RNF157: variants seen among roughly 807,000 people sequenced by gnomAD.
The protein encoded by RNF157 is E3 ubiquitin ligase RNF157.
A neutral mutation model predicts 88.3 loss-of-function variants in RNF157; 55 were observed. The observed-to-expected ratio is 0.62, with a 90% confidence interval of 0.50 to 0.78. RNF157 has a LOEUF of 0.78. Among genes scored for constraint, RNF157 ranks in the 30% least tolerant of loss-of-function variants. The pLI is 0.00. For synonymous variants in RNF157, 334 were observed against 341.2 expected, an observed-to-expected ratio of 0.98 and a Z score of 0.23; for missense variants, 788 against 860.8, an observed-to-expected ratio of 0.92 and a Z score of 1.06.
rs1392935098 is a variant in RNF157, at chr17:76,161,795, CTT to C, written c.952+46_952+47del. On this transcript the variant is annotated intron_variant, in intron 10 of 18. Coordinates refer to ENST00000269391, the MANE Select transcript of RNF157 (RefSeq NM_052916.3). The surrounding 1 kb of genome is among the most constrained non-coding windows in gnomAD (Gnocchi z 4.6). ...TGCTTCAGTGTTTTGTAAATGTCCT[CTT>C]GTCCCCTCTCCCACCCACCAGTCCC... 6.3e-7 allele frequency: 1 copy of C among 1,598,690 alleles called. No homozygotes were observed. The highest frequency in any genetic ancestry group is 1.1e-5 in the South Asian group (1 of 89,842).
chr17:76,182,845 G>GGATATATATATCCTATATATCCTATATAT (rs1161394582), intron 2 of RNF157, among the ~76,000 whole-genome samples: 10 of 77,994 alleles, frequency 1.3e-4, no homozygotes, highest in East Asian at 6.5e-4. Context: ...ATGATATATA[G>GGATATATATATCCTATATATCCTATATAT]GATATATAGG....
chr17:76,167,169 C>CTGACAACAGATGGGTATCCCATCTGACA, intron 4 of RNF157, 43 bp from the exon 5 acceptor site: 1 of 1,423,770 alleles, frequency 7.0e-7, no homozygotes, highest in Non-Finnish European at 9.9e-7. Context: ...CAGTATCCGG[C>CTGACAACAGATGGGTATCCCATCTGACA]ACAGATGGGT....
At chr17:76,182,854 G>A in intron 2 of RNF157, among the ~76,000 whole-genome samples, 1 of 108,204 alleles carries the variant, frequency 9.2e-6, no homozygotes, top group South Asian at 3.0e-4. Flanking sequence ...AGGATATATA[G>A]GATATATATA....
intron 2 of RNF157, among the ~76,000 whole-genome samples, chr17:76,207,137 C>CT (rs1568063175): frequency 6.6e-6 from 1 of 152,008 alleles, no homozygotes; most frequent in African/African-American, 2.4e-5. Context: ...GGCTTTGGGC[C>CT]GGGCTTGGTG....
At chr17:76,183,754 C>A (rs889831458) in intron 2 of RNF157, among the ~76,000 whole-genome samples, 1 of 151,794 alleles carries the variant, frequency 6.6e-6, no homozygotes, top group Non-Finnish European at 1.5e-5. Context: ...TCAATTATTT[C>A]TTCATTTGTT....
chr17:76,210,337 T>C (rs1004218012), intron 2 of RNF157, among the ~76,000 whole-genome samples: 1 of 151,824 alleles, frequency 6.6e-6, no homozygotes, highest in African/African-American at 2.4e-5. Context: ...CTCATGCCTG[T>C]AATCCCAGCA....
At chr17:76,198,581 G>A (rs1237830218) in intron 2 of RNF157, among the ~76,000 whole-genome samples, 9 of 152,168 alleles carry the variant, frequency 5.9e-5, no homozygotes, top group East Asian at 5.8e-4. Flanking sequence ...AGGTTCTGCC[G>A]TATACGTCAG....
chr17:76,193,561 C>A (rs568957022), intron 2 of RNF157, among the ~76,000 whole-genome samples: 51 of 151,662 alleles, frequency 3.4e-4, no homozygotes, highest in African/African-American at 1.2e-3. Flanking sequence ...CCCACGGACA[C>A]ATACAAGTTT....
intron 2 of RNF157, among the ~76,000 whole-genome samples, chr17:76,185,475 C>CTTTTTTTTTTTTTT (rs71161271): frequency 0.064 from 8,934 of 139,264 alleles, 530 homozygotes; most frequent in African/African-American, 0.12. Flanking sequence ...TTAGTCCTTT[C>CTTTTTTTTTTTTTT]TTTTTTTTTT....
At chr17:76,145,917 T>C (rs2068578589) in intron 18 of RNF157, among the ~76,000 whole-genome samples, 1 of 152,016 alleles carries the variant, frequency 6.6e-6, no homozygotes. Flanking sequence ...GCCGTTTTCC[T>C]CTCCTCCTGC....
Position 76,173,750 on chromosome 17 carries a change from G to A in RNF157, c.248C>T (p.Thr83Ile), listed in dbSNP as rs2069057221. 6.2e-7 allele frequency: 1 copy of A among 1,611,290 alleles called. No homozygotes were observed. The highest frequency in any genetic ancestry group is 1.1e-5 in the South Asian group (1 of 90,534). ...AAPPPQEPVK[T>I]LRSLVNIRKD... ...TCGGATATTGACCAGGCTTCTCAGA[G>A]TCTTCACGGGTTCTTGGGGAGGTGG... The change falls in exon 3 of 19, where the codon ACT (threonine) becomes ATT (isoleucine). Residue 83 changes from threonine (T) to isoleucine (I), a missense_variant. By Grantham distance (89) the Thr-to-Ile change is moderately conservative. Coordinates refer to ENST00000269391, the MANE Select transcript of RNF157 (RefSeq NM_052916.3).
At chr17:76,168,625 C>A (rs1375070246) in intron 3 of RNF157, among the ~76,000 whole-genome samples, 1 of 151,998 alleles carries the variant, frequency 6.6e-6, no homozygotes, top group East Asian at 1.9e-4. Context: ...CAGTCGCCAC[C>A]CTGGAATCTC....
chr17:76,224,832 G>A (rs1457003000), intron 1 of RNF157, among the ~76,000 whole-genome samples: 1 of 152,120 alleles, frequency 6.6e-6, no homozygotes, highest in African/African-American at 2.4e-5. Context: ...CCCAGCCCAT[G>A]GGGCGTGGGT....
In RNF157 at chr17:76,160,041, A is replaced by G. The variant is rs2068824793; in HGVS notation, c.1066-468T>C. On this transcript the variant is annotated intron_variant, in intron 11 of 18. Coordinates refer to ENST00000269391, the MANE Select transcript of RNF157 (RefSeq NM_052916.3). This position sits in a 1 kb window ranked among gnomAD's most constrained non-coding sequence, Gnocchi z 4.3. Reference sequence around the variant, plus strand: ...CACTATGTTGCCCAGGCTGGTCTTGAGCTCCTGGTCTCAATTGATCCTCCC... The same window carrying G: ...CACTATGTTGCCCAGGCTGGTCTTGGGCTCCTGGTCTCAATTGATCCTCCC... 6.6e-6 allele frequency among the ~76,000 whole-genome samples: 1 copy of G among 152,124 alleles called. No individual in the cohort carries two copies. The highest frequency in any genetic ancestry group is 2.1e-4 in the South Asian group (1 of 4,820).
At chr17:76,234,625 G>A (rs2070250625) in intron 1 of RNF157, among the ~76,000 whole-genome samples, 1 of 152,138 alleles carries the variant, frequency 6.6e-6, no homozygotes, top group Non-Finnish European at 1.5e-5. Flanking sequence ...AGTTAATAAT[G>A]ATCATCTCTT....
At chr17:76,211,197 C>G (rs1048685109) in intron 2 of RNF157, among the ~76,000 whole-genome samples, 1 of 152,256 alleles carries the variant, frequency 6.6e-6, no homozygotes, top group Non-Finnish European at 1.5e-5. Flanking sequence ...GCGCCTATCA[C>G]AGTACCTGAC....
intron 2 of RNF157, among the ~76,000 whole-genome samples, chr17:76,174,390 T>C (rs1484294110): frequency 6.6e-6 from 1 of 152,218 alleles, no homozygotes; most frequent in Non-Finnish European, 1.5e-5. Flanking sequence ...TCTTCATCAT[T>C]TACCATCCGC....
intron 2 of RNF157, among the ~76,000 whole-genome samples, chr17:76,180,346 C>T (rs1313792853): frequency 2.0e-5 from 3 of 152,144 alleles, no homozygotes; most frequent in African/African-American, 7.2e-5. Context: ...GTGTGAGTAC[C>T]TTTACGACAG....
rs540551687 is a variant in RNF157 at position 76,148,007 on chromosome 17, GT to G, written c.1922-2655del. Among the ~76,000 whole-genome samples, 1,265 of 152,270 alleles carry G rather than the reference GT, an allele frequency of 8.3e-3. 5 individuals carry two copies. Among genetic ancestry groups the G allele is most frequent in the Non-Finnish European group, 0.013 (903 of 68,026 alleles). ...AAGCCACTTATTAAATATAAGGACT[GT>G]AATAGTTCAACTGTCTTTGTAGAGT... On this transcript the variant is annotated intron_variant, in intron 18 of 18. Transcript: ENST00000269391.
Sources: allele counts gnomAD v4.1 joint callset (sites outside exome capture counted in the v4.1 genomes callset), GRCh38; gene constraint gnomAD v4.1.1; non-coding constraint Gnocchi (gnomAD v3.1); transcripts MANE v1.5; gene names NCBI Gene and HGNC (gene_info 2026-07-23, HGNC 2026-07-21).